Variants in MAD2L2 observed in about 807,000 individuals in gnomAD.
The protein encoded by MAD2L2 is mitotic spindle assembly checkpoint protein MAD2B.
Under a neutral mutation model 30.5 loss-of-function variants are expected in MAD2L2, and 17 were observed. The ratio of observed to expected loss-of-function variants is 0.56; its 90% CI spans 0.38 to 0.84. The LOEUF is 0.84. Ranked by LOEUF, MAD2L2 falls within the 40% of genes least tolerant of loss-of-function variation. The probability of loss-of-function intolerance (pLI) is 0.00; values close to 1 mark genes in which losing one functional copy is unlikely to be tolerated. For missense variants in MAD2L2, 213 were observed against 277.4 expected, an observed-to-expected ratio of 0.77 and a Z score of 1.65; for synonymous variants, 101 against 113.9, an observed-to-expected ratio of 0.89 and a Z score of 0.72.
chr1:11,682,423 G>T (rs944076205), upstream of MAD2L2, among the ~76,000 whole-genome samples: 1 of 152,114 alleles, frequency 6.6e-6, no homozygotes, highest in Non-Finnish European at 1.5e-5. Context: ...ATCGTTTACA[G>T]CTCATTATAG....
At chr1:11,679,181 A>G (rs538241370) in intron 3 of MAD2L2, among the ~76,000 whole-genome samples, 22 of 152,300 alleles carry the variant, frequency 1.4e-4, no homozygotes, top group Middle Eastern at 6.8e-3. Flanking sequence ...AAAATAAAAT[A>G]AAATATAAAA....
At position 11,674,528 on chromosome 1, in the gene MAD2L2, A is replaced by C; in HGVS notation, c.*247T>G. ...TTATTGAAACAACTCACAGCACAGT[A>C]TTTGAGACAGACAGTGTTGGCCGGC... On this transcript the variant is annotated 3_prime_UTR_variant, in exon 9 of 9. Coordinates refer to ENST00000376692, the MANE Select transcript of MAD2L2 (RefSeq NM_006341.4). This position sits in a 1 kb window ranked among gnomAD's most constrained non-coding sequence, Gnocchi z 6.1. 1 of 502,834 alleles carries C rather than the reference A, an allele frequency of 2.0e-6. No homozygotes were observed. The highest frequency in any genetic ancestry group is 3.6e-6 in the Non-Finnish European group (1 of 276,178). The allele number at this position is 502,834 out of a possible 1,614,324, so 31.1% of individuals were successfully genotyped here.
chr1:11,684,347 C>T (rs1203038788), upstream of MAD2L2, among the ~76,000 whole-genome samples: 2 of 152,192 alleles, frequency 1.3e-5, no homozygotes, highest in Admixed American at 6.5e-5. Context: ...TTTGAACATC[C>T]GTCTGCTGGG....
At chr1:11,680,259 G>T in intron 3 of MAD2L2, 94 bp downstream of exon 3, 1 of 1,055,494 alleles carries the variant, frequency 9.5e-7, no homozygotes, top group Non-Finnish European at 1.4e-6. Context: ...GCCTCCCAAA[G>T]TGCTAGGATT....
At chr1:11,676,558 C>T (rs1294097078) in intron 5 of MAD2L2, among the ~76,000 whole-genome samples, 4 of 152,196 alleles carry the variant, frequency 2.6e-5, no homozygotes, top group African/African-American at 7.2e-5. Context: ...GACCAACTAA[C>T]GCATGTGCCA....
intron 5 of MAD2L2, among the ~76,000 whole-genome samples, 188 bp from the exon 6 acceptor site, chr1:11,676,328 C>T (rs1640768574): frequency 6.6e-6 from 1 of 152,162 alleles, no homozygotes; most frequent in South Asian, 2.1e-4. Context: ...AAATGCCCAG[C>T]CCCACCCCAG....
intron 7 of MAD2L2, 149 bp from the exon 8 acceptor site, chr1:11,675,323 C>G (rs536390802): frequency 1.6e-5 from 10 of 609,250 alleles, no homozygotes; most frequent in African/African-American, 7.4e-5. Flanking sequence ...CAGGACCGCC[C>G]CCATCCCCCA....
intron 1 of MAD2L2, chr1:11,680,830 G>T: frequency 8.0e-7 from 1 of 1,248,730 alleles, no homozygotes; most frequent in Non-Finnish European, 1.0e-6. Context: ...GCGCCCCCTC[G>T]CCCCGCTGTC....
chr1:11,677,474 G>T, intron 4 of MAD2L2, 69 bp downstream of exon 4: 1 of 1,438,610 alleles, frequency 7.0e-7, no homozygotes, highest in Non-Finnish European at 9.8e-7. Context: ...TCCCAGAGTT[G>T]GACTGTGAGC....
In MAD2L2 at chr1:11,688,638, C is replaced by T. The variant is rs1252861535; in HGVS notation, c.-692+2775G>A. 1.3e-5 allele frequency among the ~76,000 whole-genome samples: 2 copies of T among 152,100 alleles called. No individual in the cohort carries two copies. The highest frequency in any genetic ancestry group is 2.4e-5 in the African/African-American group (1 of 41,416). On this transcript the variant is annotated intron_variant, in intron 1 of 10. Coordinates refer to the MAD2L2 transcript ENST00000235310. This position sits in a 1 kb window ranked among gnomAD's most constrained non-coding sequence, Gnocchi z 4.6. Reference sequence around the variant, plus strand: ...TCATGTCTCTGCTCTGCTCATGGTCCCTCTAAAAAGCTCAAGTCCTCCCTG... The same window carrying T: ...TCATGTCTCTGCTCTGCTCATGGTCTCTCTAAAAAGCTCAAGTCCTCCCTG...
chr1:11,678,014 G>A lies in MAD2L2; in HGVS notation c.160-400C>T, dbSNP rs185835494. ...GGAGGTTGCAGTGAGCCGAGATCACGCCACTGCACTGCAACATGGGCAACA... is the reference window on the plus strand; with the variant it reads ...GGAGGTTGCAGTGAGCCGAGATCACACCACTGCACTGCAACATGGGCAACA... On this transcript the variant is annotated intron_variant, in intron 3 of 8. Coordinates refer to ENST00000376692, the MANE Select transcript of MAD2L2 (RefSeq NM_006341.4). 3.3e-3 allele frequency among the ~76,000 whole-genome samples: 462 copies of A among 141,100 alleles called. 2 individuals are homozygous for A. Among genetic ancestry groups the A allele is most frequent in the African/African-American group, 0.012 (440 of 37,822 alleles). The allele number at this position is 141,100 out of a possible 152,430, so 92.6% of individuals were successfully genotyped here.
rs373270586 is a variant in MAD2L2 at position 11,677,564 on chromosome 1, G to A, written c.210C>T (p.Cys70=). The A allele has an allele frequency of 6.5e-5, 105 of 1,613,734 alleles. No homozygotes were observed. The highest frequency in any genetic ancestry group is 7.9e-5 in the Non-Finnish European group (93 of 1,180,010). ...LNQYIQDTLH[C]VKPLLEKNDV... ...TCACCTTCTCCAGGAGTGGCTTGAC[G>A]CAGTGCAGCGTGTCCTGGATATACT... Residue 70 remains cysteine (C), a synonymous_variant, in exon 4 of 9, where the codon TGC becomes TGT. Transcript: ENST00000376692.
upstream of MAD2L2, among the ~76,000 whole-genome samples, chr1:11,684,296 T>C (rs750020165): frequency 5.9e-5 from 9 of 152,228 alleles, no homozygotes; most frequent in Non-Finnish European, 1.0e-4. Context: ...GATGGATGGT[T>C]GTGGGATCCA....
chr1:11,675,810 T>G, intron 6 of MAD2L2, 79 bp from the exon 7 acceptor site: 1 of 1,257,362 alleles, frequency 8.0e-7, no homozygotes, highest in Non-Finnish European at 1.2e-6. Context: ...CCCACTTCCC[T>G]TGCTGGCTCA....
In MAD2L2 at chr1:11,676,160, T is replaced by G; in HGVS notation, c.333-20A>C. 6.6e-7 allele frequency: 1 copy of G among 1,522,346 alleles called. No individual in the cohort carries two copies. The highest frequency in any genetic ancestry group is 1.4e-5 in the African/African-American group (1 of 73,276). The allele number at this position is 1,522,346 out of a possible 1,614,324, so 94.3% of individuals were successfully genotyped here. ...TCTGAGCTGGGAGTGAGAGGAGGTC[T>G]TCCCATCACACTGGCGCCCTCCCCT... On this transcript the variant is annotated intron_variant, in intron 5 of 8. Transcript: ENST00000376692.
rs1258558500 is a variant in MAD2L2 at position 11,687,282 on chromosome 1, C to G, written c.-692+4131G>C. ...TGAGACGGAGTCTCTCTCTGCCACC[C>G]AGGCTGGAGGGCGGTGGTGCAATCT... On this transcript the variant is annotated intron_variant, in intron 1 of 10. Coordinates refer to the MAD2L2 transcript ENST00000235310. This position sits in a 1 kb window ranked among gnomAD's most constrained non-coding sequence, Gnocchi z 4.1. Among the ~76,000 whole-genome samples the G allele has an allele frequency of 6.6e-6, 1 of 152,114 alleles. No homozygotes were observed. The highest frequency in any genetic ancestry group is 1.5e-5 in the Non-Finnish European group (1 of 68,032).
intron 1 of MAD2L2, among the ~76,000 whole-genome samples, chr1:11,691,124 G>A (rs890832613): frequency 1.3e-5 from 2 of 152,184 alleles, no homozygotes; most frequent in African/African-American, 4.8e-5. Context: ...ACTTTCTGCG[G>A]CTACAAAGGC....
At position 11,690,002 on chromosome 1, in the gene MAD2L2, T is replaced by C. The variant is rs535527229; in HGVS notation, c.-692+1411A>G. 6.6e-6 allele frequency among the ~76,000 whole-genome samples: 1 copy of C among 152,050 alleles called. No individual in the cohort carries two copies. Among genetic ancestry groups the C allele is most frequent in the East Asian group, 1.9e-4 (1 of 5,162 alleles). Reference sequence around the variant, plus strand: ...TTCTCCCCACAACCACGTGGCTCATTACCTCCTTTTCTTTGCCAAAAGAAC... The same window carrying C: ...TTCTCCCCACAACCACGTGGCTCATCACCTCCTTTTCTTTGCCAAAAGAAC... On this transcript the variant is annotated intron_variant, in intron 1 of 10. Coordinates refer to the MAD2L2 transcript ENST00000235310. The surrounding 1 kb of genome is among the most constrained non-coding windows in gnomAD (Gnocchi z 4.2).
Position 11,690,225 on chromosome 1 carries a change from T to C in MAD2L2, c.-692+1188A>G, listed in dbSNP as rs1641036022. On this transcript the variant is annotated intron_variant, in intron 1 of 10. Transcript: ENST00000235310. The surrounding 1 kb of genome is among the most constrained non-coding windows in gnomAD (Gnocchi z 4.2). The stretch of plus-strand genomic sequence containing the variant: ...TGGGGGCAGGGATTCTTGTCCATGT[T>C]GTTTACTACTGTACCTCCGGTGCCG... Among the ~76,000 whole-genome samples the C allele has an allele frequency of 6.6e-6, 1 of 152,094 alleles. No individual in the cohort carries two copies. Among genetic ancestry groups the C allele is most frequent in the Non-Finnish European group, 1.5e-5 (1 of 68,028 alleles).
Sources: allele counts gnomAD v4.1 joint callset (sites outside exome capture counted in the v4.1 genomes callset), GRCh38; gene constraint gnomAD v4.1.1; non-coding constraint Gnocchi (gnomAD v3.1); transcripts MANE v1.5; gene names NCBI Gene and HGNC (gene_info 2026-07-23, HGNC 2026-07-21).